Variants in CNGB3 observed in about 807,000 individuals in gnomAD.
CNGB3 encodes the protein cyclic nucleotide gated channel subunit beta 3, also known as cyclic nucleotide-gated channel beta-3.
Under a neutral mutation model 92.8 loss-of-function variants are expected in CNGB3, and 86 were observed. The observed-to-expected ratio is 0.93, with a 90% CI of 0.78 to 1.11. The LOEUF is 1.11. Among genes scored for constraint, CNGB3 ranks in the 50% least tolerant of loss-of-function variants. The pLI, the probability that CNGB3 is intolerant of heterozygous loss-of-function variation, is 0.00. For missense variants in CNGB3, 1,026 were observed against 956.8 expected (o/e 1.07, Z -0.95); for synonymous variants, 333 against 332.7 (o/e 1.00, Z -0.01).
chr8:86,686,934 T>G (rs1244529413), intron 3 of CNGB3, among the ~76,000 whole-genome samples: 2 of 152,038 alleles, frequency 1.3e-5, no homozygotes, highest in Non-Finnish European at 2.9e-5. Context: ...AGAAAAACAA[T>G]AGAAAATTAT....
At position 86,653,957 on chromosome 8, in the gene CNGB3, A is replaced by G. The variant is rs1823453486; in HGVS notation, c.903+55T>C. 5.2e-6 allele frequency: 6 copies of G among 1,158,306 alleles called. No individual in the cohort carries two copies. In the South Asian group the frequency reaches 7.4e-5, roughly 14 times the overall value. 71.8% of individuals were successfully genotyped at this position (1,158,306 alleles called of 1,614,324 possible). ...TTATAGAAATCTATAGATGGGATTT[A>G]AAGTCAAAATGGTAATAGATCACGT... On this transcript the variant is annotated intron_variant, in intron 7 of 17. Transcript: ENST00000320005.
Position 86,606,887 on chromosome 8 carries a change from G to A in CNGB3, c.1663-2676C>T, listed in dbSNP as rs186025485. Among the ~76,000 whole-genome samples, 576 of 152,170 alleles carry A rather than the reference G, an allele frequency of 3.8e-3. 8 individuals are homozygous for A. Among genetic ancestry groups the A allele is most frequent in the Non-Finnish European group, 2.6e-3 (179 of 68,018 alleles). ...TACATGAAGACAGACCACATCTAAC[G>A]GTGACTCCAATATCAGAACTGATCT... On this transcript the variant is annotated intron_variant, in intron 14 of 17. Coordinates refer to ENST00000320005, the MANE Select transcript of CNGB3 (RefSeq NM_019098.5).
chr8:86,683,561 T>C (rs947880370), intron 3 of CNGB3, among the ~76,000 whole-genome samples: 12 of 152,158 alleles, frequency 7.9e-5, no homozygotes, highest in Non-Finnish European at 1.5e-4. Context: ...AAACAGATGG[T>C]AATAACTTTT....
At chr8:86,577,935 AGTATTGCTCT>A (rs1244653896) in intron 17 of CNGB3, among the ~76,000 whole-genome samples, 1 of 152,122 alleles carries the variant, frequency 6.6e-6, no homozygotes, top group East Asian at 1.9e-4. Flanking sequence ...TTTGAGACAG[AGTATTGCTCT>A]GTCGCCCAGG....
intron 1 of CNGB3, among the ~76,000 whole-genome samples, chr8:86,741,032 T>G (rs1160194686): frequency 1.3e-5 from 2 of 152,180 alleles, no homozygotes; most frequent in African/African-American, 4.8e-5. Context: ...TAGACTGATT[T>G]GCAGTTCTTA....
intron 3 of CNGB3, among the ~76,000 whole-genome samples, chr8:86,671,954 G>C (rs760573659): frequency 5.9e-5 from 9 of 152,132 alleles, no homozygotes; most frequent in African/African-American, 2.2e-4. Flanking sequence ...TAATAGCTGG[G>C]TGGTTTTTAA....
chr8:86,668,630 C>T lies in CNGB3; in HGVS notation c.494-462G>A, dbSNP rs76776530. 1.8e-3 allele frequency among the ~76,000 whole-genome samples: 258 copies of T among 146,600 alleles called. 1 individual carries two copies. Among genetic ancestry groups the T allele is most frequent in the African/African-American group, 6.1e-3 (241 of 39,576 alleles). On this transcript the variant is annotated intron_variant, in intron 4 of 17. Coordinates refer to ENST00000320005, the MANE Select transcript of CNGB3 (RefSeq NM_019098.5). ...TGTGTGTTTGTATAAAGAAAAAATACGTCAATGTAAAAAATTAAAGGAAAA... is the reference window on the plus strand; with the variant it reads ...TGTGTGTTTGTATAAAGAAAAAATATGTCAATGTAAAAAATTAAAGGAAAA...
chr8:86,675,839 G>A (rs1299039718), intron 3 of CNGB3, among the ~76,000 whole-genome samples: 1 of 152,164 alleles, frequency 6.6e-6, no homozygotes, highest in Non-Finnish European at 1.5e-5. Context: ...AACTATAGTA[G>A]TTTCCTTATT....
chr8:86,739,816 C>A (rs1825311536), intron 1 of CNGB3, 80 bp from the exon 2 acceptor site: 1 of 1,458,680 alleles, frequency 6.9e-7, no homozygotes, highest in Non-Finnish European at 9.5e-7. Context: ...CACCATTTTC[C>A]ACTTAATTGT....
At chr8:86,643,351 C>A (rs1380920349) in intron 10 of CNGB3, among the ~76,000 whole-genome samples, 8 of 151,242 alleles carry the variant, frequency 5.3e-5, no homozygotes, top group African/African-American at 1.9e-4. Context: ...CTATAGTCAC[C>A]CTACTCTGTT....
intron 6 of CNGB3, among the ~76,000 whole-genome samples, chr8:86,654,882 G>A (rs1189944185): frequency 6.6e-6 from 1 of 152,062 alleles, no homozygotes; most frequent in African/African-American, 2.4e-5. Flanking sequence ...CACATTTATA[G>A]TTTCAGAGAT....
intron 12 of CNGB3, 80 bp from the exon 13 acceptor site, chr8:86,626,160 T>G (rs1822843990): frequency 8.9e-7 from 1 of 1,120,624 alleles, no homozygotes; most frequent in Non-Finnish European, 1.3e-6. Flanking sequence ...AGAAAAATTT[T>G]TAAAATAAAG....
At chr8:86,725,707 T>C (rs947697601) in intron 3 of CNGB3, among the ~76,000 whole-genome samples, 2 of 152,202 alleles carry the variant, frequency 1.3e-5, no homozygotes, top group African/African-American at 4.8e-5. Context: ...GCAGATGGTT[T>C]AACACAGTAG....
intron 3 of CNGB3, among the ~76,000 whole-genome samples, chr8:86,712,942 C>T (rs1824777911): frequency 6.6e-6 from 1 of 150,422 alleles, no homozygotes; most frequent in Non-Finnish European, 1.5e-5. Context: ...TTATAACCAA[C>T]TTAACTAGTT....
intron 3 of CNGB3, among the ~76,000 whole-genome samples, chr8:86,675,115 C>T (rs1302972180): frequency 6.6e-6 from 1 of 152,070 alleles, no homozygotes; most frequent in Non-Finnish European, 1.5e-5. Context: ...TCCACCACCA[C>T]ACCTGGCTAA....
intron 3 of CNGB3, among the ~76,000 whole-genome samples, chr8:86,689,154 TG>T (rs1824248494): frequency 3.4e-5 from 3 of 89,242 alleles, no homozygotes; most frequent in Non-Finnish European, 6.7e-5. Flanking sequence ...TATAATTTCA[TG>T]TTTTTTTTTT....
At chr8:86,601,167 C>G (rs1279816003) in intron 15 of CNGB3, among the ~76,000 whole-genome samples, 1 of 152,024 alleles carries the variant, frequency 6.6e-6, no homozygotes, top group East Asian at 1.9e-4. Flanking sequence ...AATAGAAAAT[C>G]CTATTGAAAT....
intron 12 of CNGB3, among the ~76,000 whole-genome samples, chr8:86,628,617 C>A (rs1822896793): frequency 6.6e-6 from 1 of 152,156 alleles, no homozygotes; most frequent in Non-Finnish European, 1.5e-5. Flanking sequence ...AAGGGATAGA[C>A]AATGCCTAAT....
intron 17 of CNGB3, among the ~76,000 whole-genome samples, chr8:86,577,090 T>C (rs776686217): frequency 5.3e-5 from 8 of 151,808 alleles, no homozygotes; most frequent in Non-Finnish European, 2.9e-5. Flanking sequence ...TCTGCCCTCA[T>C]AGGCTAATTA....
Sources: gnomAD v4.1 joint callset for allele counts (sites outside exome capture counted in the v4.1 genomes callset) on GRCh38, gnomAD v4.1.1 for gene constraint, MANE v1.5 for transcripts, NCBI Gene and HGNC (gene_info 2026-07-23, HGNC 2026-07-21) for gene names.